DOCK1: variants seen among roughly 807,000 people sequenced by gnomAD.
DOCK1 encodes dedicator of cytokinesis protein 1.
In DOCK1, 138 loss-of-function variants were observed where a neutral mutation model predicts 262.7. The observed-to-expected ratio is 0.53, with a 90% CI of 0.46 to 0.61. The LOEUF is 0.61. DOCK1 is among the 20% of genes least tolerant of loss of function. DOCK1 has a pLI of 0.00. For missense variants in DOCK1, 1,908 were observed against 2,370.7 expected (o/e 0.80, Z 4.05); for synonymous variants, 866 against 867.4 (o/e 1.00, Z 0.03).
chr10:127,173,986 C>T (rs1289085913), intron 27 of DOCK1, among the ~76,000 whole-genome samples: 1 of 152,226 alleles, frequency 6.6e-6, no homozygotes, highest in Non-Finnish European at 1.5e-5. Context: ...GGACCTGCCC[C>T]AGCCTCTCCA....
intron 23 of DOCK1, among the ~76,000 whole-genome samples, chr10:127,098,898 A>G (rs2048069092): frequency 6.6e-6 from 1 of 152,180 alleles, no homozygotes; most frequent in Non-Finnish European, 1.5e-5. Context: ...CAGACTCCAC[A>G]GAGGAAACTG....
chr10:127,237,677 CAA>C (rs1487988167), intron 27 of DOCK1, among the ~76,000 whole-genome samples: 1 of 152,132 alleles, frequency 6.6e-6, no homozygotes, highest in Non-Finnish European at 1.5e-5. Context: ...CCCTTTTGCC[CAA>C]GTTAAAATAC....
chr10:127,327,775 TCTC>T (rs1272553825), intron 29 of DOCK1, among the ~76,000 whole-genome samples: 2 of 152,142 alleles, frequency 1.3e-5, no homozygotes, highest in Non-Finnish European at 2.9e-5. Flanking sequence ...AGGCTTCTAA[TCTC>T]CTTCTTCTCA....
intron 1 of DOCK1, among the ~76,000 whole-genome samples, chr10:126,958,967 C>T (rs1022676072): frequency 0.059 from 8,984 of 152,200 alleles, 300 homozygotes; most frequent in African/African-American, 0.078. Context: ...ATTTTAGAGA[C>T]GCATGAGACA....
In DOCK1 at chr10:127,433,285, C is replaced by CTCA; in HGVS notation, c.4918_4920dup (p.Ser1641dup). ...TTCTCTCTCTTTCTCGCTCTCAGCC[C>CTCA]TCAAGTCTGGATGATAGAAGAGGCA... On this transcript the variant is annotated inframe_insertion, in exon 48 of 52. Transcript: ENST00000623213. 1.2e-6 allele frequency: 2 copies of CTCA among 1,613,930 alleles called. No individual in the cohort carries two copies. The highest frequency in any genetic ancestry group is 1.7e-6 in the Non-Finnish European group (2 of 1,179,844).
chr10:127,117,818 C>G (rs1200927261), intron 25 of DOCK1, among the ~76,000 whole-genome samples: 1 of 152,136 alleles, frequency 6.6e-6, no homozygotes, highest in Non-Finnish European at 1.5e-5. Flanking sequence ...ATGATTTCTT[C>G]TAGCTCCTGG....
At chr10:127,432,883 G>T (rs2069396823) in intron 47 of DOCK1, among the ~76,000 whole-genome samples, 1 of 152,146 alleles carries the variant, frequency 6.6e-6, no homozygotes, top group Admixed American at 6.5e-5. Context: ...GGCCCGTGTA[G>T]TCTGTCAACC....
chr10:127,329,939 G>C (rs895163980), intron 29 of DOCK1, among the ~76,000 whole-genome samples: 1 of 152,128 alleles, frequency 6.6e-6, no homozygotes, highest in Admixed American at 6.5e-5. Context: ...TGCCTACCTT[G>C]ATTTCCAGAC....
rs2048168923 is a variant in DOCK1 at position 127,100,388 on chromosome 10, C to A, written c.2446-5843C>A. ...GTGTGATGCCCAGGCCTGTGGCATG[C>A]AGCTGGGGCTTGGCGGTGCAGCGCC... On this transcript the variant is annotated intron_variant, in intron 23 of 51. Coordinates refer to ENST00000623213, the MANE Select transcript of DOCK1 (RefSeq NM_001290223.2). This position sits in a 1 kb window ranked among gnomAD's most constrained non-coding sequence, Gnocchi z 5.5. Among the ~76,000 whole-genome samples, 1 of 152,144 alleles carries A rather than the reference C, an allele frequency of 6.6e-6. No individual in the cohort carries two copies. The highest frequency in any genetic ancestry group is 2.1e-4 in the South Asian group (1 of 4,834).
chr10:127,280,215 T>C (rs1444656001), intron 29 of DOCK1, among the ~76,000 whole-genome samples: 2 of 151,342 alleles, frequency 1.3e-5, no homozygotes, highest in East Asian at 3.9e-4. Context: ...TTTGTATTTT[T>C]AGTAGAGACG....
At chr10:127,276,434 T>TA (rs1474404987) in intron 29 of DOCK1, among the ~76,000 whole-genome samples, 1 of 152,204 alleles carries the variant, frequency 6.6e-6, no homozygotes, top group Non-Finnish European at 1.5e-5. Context: ...AGTTCTGTGA[T>TA]ACTCAGATGT....
rs376568341 is a variant in DOCK1, at chr10:127,055,075, G to A, written c.2336+2260G>A. Among the ~76,000 whole-genome samples, 14 of 150,376 alleles carry A rather than the reference G, an allele frequency of 9.3e-5. No individual in the cohort carries two copies. In the South Asian group the frequency reaches 1.5e-3, roughly 16 times the overall value. ...TTCATGGTCCATAATTTTTTTTTTC[G>A]TTTGATCAGTCTAATAGTGCTTAGG... is the stretch of plus-strand genomic sequence containing the variant. On this transcript the variant is annotated intron_variant, in intron 22 of 51. Transcript: ENST00000623213.
intron 18 of DOCK1, among the ~76,000 whole-genome samples, chr10:127,036,994 A>AG (rs1195296102): frequency 1.3e-5 from 2 of 150,976 alleles, no homozygotes; most frequent in African/African-American, 4.9e-5. Context: ...AAAAAAAAAA[A>AG]AAAGAAAAAG....
chr10:127,293,009 A>G (rs1226602509), intron 29 of DOCK1, among the ~76,000 whole-genome samples: 1 of 152,232 alleles, frequency 6.6e-6, no homozygotes, highest in Non-Finnish European at 1.5e-5. Flanking sequence ...GGACCCAGGC[A>G]GCTTTCTGCC....
At chr10:126,939,560 G>T (rs1270899127) in intron 1 of DOCK1, among the ~76,000 whole-genome samples, 1 of 152,120 alleles carries the variant, frequency 6.6e-6, no homozygotes, top group Non-Finnish European at 1.5e-5. Context: ...TTTTTCTCTC[G>T]TTTGTAGCAG....
intron 23 of DOCK1, among the ~76,000 whole-genome samples, chr10:127,072,076 C>T (rs2135933854): frequency 6.6e-6 from 1 of 152,332 alleles, no homozygotes. Flanking sequence ...CCTCCCACAT[C>T]TGTGCCCTCG....
rs1346877417 is a variant in DOCK1 at position 127,175,216 on chromosome 10, C to T, written c.2847+47452C>T. ...GACATGGGTGAACATACATACCCTT[C>T]CCGATGGGCCTCTCCTTTTTCCAAC... On this transcript the variant is annotated intron_variant, in intron 27 of 51. Coordinates refer to ENST00000623213, the MANE Select transcript of DOCK1 (RefSeq NM_001290223.2). This position sits in a 1 kb window ranked among gnomAD's most constrained non-coding sequence, Gnocchi z 6.3. 6.2e-7 allele frequency: 1 copy of T among 1,610,958 alleles called. No individual in the cohort carries two copies. Among genetic ancestry groups the T allele is most frequent in the African/African-American group, 1.3e-5 (1 of 74,860 alleles).
intron 29 of DOCK1, among the ~76,000 whole-genome samples, chr10:127,336,894 T>G (rs972666286): frequency 5.3e-5 from 8 of 152,196 alleles, no homozygotes; most frequent in Non-Finnish European, 8.8e-5. Context: ...GCTGCAGTTG[T>G]CCCAGAGCTT....
chr10:127,104,017 G>A (rs1426456617), intron 23 of DOCK1, among the ~76,000 whole-genome samples: 1 of 152,174 alleles, frequency 6.6e-6, no homozygotes, highest in Non-Finnish European at 1.5e-5. Flanking sequence ...TTTCCCTGAT[G>A]AGTAATGGTG....
Sources: allele counts gnomAD v4.1 joint callset (sites outside exome capture counted in the v4.1 genomes callset), GRCh38; gene constraint gnomAD v4.1.1; non-coding constraint Gnocchi (gnomAD v3.1); transcripts MANE v1.5; gene names NCBI Gene and HGNC (gene_info 2026-07-23, HGNC 2026-07-21).